Variants in FLNA observed in about 807,000 individuals in gnomAD.
The protein encoded by FLNA is filamin-A.
A neutral mutation model predicts 157.6 loss-of-function variants in FLNA; 7 were observed. The observed-to-expected ratio is 0.04, with a 90% CI of 0.03 to 0.08. FLNA has a LOEUF of 0.08. Ranked by LOEUF, FLNA falls within the 10% of genes least tolerant of loss-of-function variation. The pLI is 1.00. For missense variants in FLNA, 1,750 were observed against 2,398.4 expected (o/e 0.73, Z 5.65); for synonymous variants, 1,103 against 1,060.8 (o/e 1.04, Z -0.77).
At position 154,360,159 on chromosome X, in the gene FLNA, G is replaced by A. The variant is rs1557177707; in HGVS notation, c.3636C>T (p.His1212=). 3.3e-6 allele frequency: 4 copies of A among 1,208,759 alleles called. No homozygotes were observed. Among genetic ancestry groups the A allele is most frequent in the South Asian group, 1.8e-5 (1 of 56,913 alleles). The change falls in exon 22 of 48, where the codon CAC becomes CAT. Residue 1212 remains histidine (H), a synonymous_variant. Transcript: ENST00000369850. The stretch of plus-strand genomic sequence containing the variant: ...AGGTAATGGTGTGCGTGCCATCACC[G>A]TGGTCCTGGATGTACACCTCGGCCG... The part of the protein sequence containing the change: ...GLPAEVYIQD[H]GDGTHTITYI...
At position 154,357,467 on chromosome X, in the gene FLNA, G is replaced by A; in HGVS notation, c.4912C>T (p.Pro1638Ser). ...PFSPYRVRAV[P>S]TGDASKCTVT... ...GTGCACTTGCTGGCGTCCCCGGTGG[G>A]CACGGCACGCACGCGGTACGGGGAG... Residue 1638 changes from proline to serine, a missense_variant, in exon 29 of 48, where the codon CCC (proline) becomes TCC (serine). This residue lies in a region of FLNA where 970 missense variants were observed against 1,302.6 expected (regional missense o/e 0.74). Transcript: ENST00000369850. 1 of 1,210,004 alleles carries A rather than the reference G, an allele frequency of 8.3e-7. No homozygotes were observed. Among genetic ancestry groups the A allele is most frequent in the Non-Finnish European group, 1.1e-6 (1 of 893,922 alleles).
rs377579695 is a variant in FLNA, at chrX:154,360,117, G to C, written c.3678C>G (p.Pro1226=). 1 of 1,209,521 alleles carries C rather than the reference G, an allele frequency of 8.3e-7. No individual in the cohort carries two copies. Among genetic ancestry groups the C allele is most frequent in the African/African-American group, 1.7e-5 (1 of 57,656 alleles). The change falls in exon 22 of 48, where the codon CCC becomes CCG. Residue 1226 remains proline, a synonymous_variant. Coordinates refer to ENST00000369850, the MANE Select transcript of FLNA (RefSeq NM_001110556.2). ...ACTTGATGGTGACGGTGTAGGCCCC[G>C]GGGCAGAGGGGAATGTAGGTAATGG... ...THTITYIPLC[P]GAYTVTIKYG... is the part of the protein sequence containing the mutation.
At position 154,362,707 on chromosome X, in the gene FLNA, G is replaced by A. The variant is rs781789768; in HGVS notation, c.2358C>T (p.Ala786=). The A allele has an allele frequency of 7.4e-6, 9 of 1,210,649 alleles. No homozygotes were observed. Among genetic ancestry groups the A allele is most frequent in the South Asian group, 7.0e-5 (4 of 56,908 alleles). The change falls in exon 16 of 48, where the codon GCC becomes GCT. Residue 786 remains alanine, a synonymous_variant. Transcript: ENST00000369850. The part of the protein sequence containing the change: ...GPGVAKTGLK[A]HEPTYFTVDC... Reference sequence around the variant, plus strand: ...CCACAGTGAAGTAGGTGGGCTCGTGGGCCTTGAGCCCTGTCTTGGCTACTC... The same window carrying A: ...CCACAGTGAAGTAGGTGGGCTCGTGAGCCTTGAGCCCTGTCTTGGCTACTC...
chrX:154,361,501 G>A lies in FLNA; in HGVS notation c.3014C>T (p.Ala1005Val). The A allele has an allele frequency of 8.3e-7, 1 of 1,211,634 alleles. No homozygotes were observed. The highest frequency in any genetic ancestry group is 3.0e-5 in the East Asian group (1 of 33,872). Residue 1005 changes from alanine (A) to valine (V), a missense_variant, in exon 21 of 48, where the codon GCA becomes GTA. This residue lies in a region of FLNA where 648 missense variants were observed against 805.8 expected (regional missense o/e 0.80). Coordinates refer to ENST00000369850, the MANE Select transcript of FLNA (RefSeq NM_001110556.2). ...SKGAGGQGKV[A>V]SKIVGPSGAA... ...ACCCGAGGGGCCCACAATCTTGGAT[G>A]CCACTTTGCCTTGACCACCAGCACC... is the stretch of plus-strand genomic sequence containing the variant.
intron 43 of FLNA, chrX:154,351,310 T>C: frequency 4.5e-6 from 2 of 439,844 alleles, no homozygotes; most frequent in Non-Finnish European, 7.9e-6. Context: ...CTTGGCAGGC[T>C]GTCCCTCTTT....
In FLNA at chrX:154,366,878, G is replaced by C. The variant is rs4898478; in HGVS notation, c.869-28C>G. ...GGCAGGGGAAGGCGAGCCAACCACG[G>C]GCCAGCTGTTAAGGCCACAGCCTCA... On this transcript the variant is annotated intron_variant, in intron 5 of 47. Transcript: ENST00000369850. 0.22 allele frequency: 247,230 copies of C among 1,134,655 alleles called. 18,909 individuals carry two copies. The highest frequency in any genetic ancestry group is 0.53 in the South Asian group (29,621 of 55,413). 93.5% of individuals were successfully genotyped at this position (1,134,655 alleles called of 1,213,427 possible).
At chrX:154,365,850 G>A (rs1307837394) in intron 9 of FLNA, among the ~76,000 whole-genome samples, 174 bp downstream of exon 9, 1 of 112,648 alleles carries the variant, frequency 8.9e-6, no homozygotes, top group South Asian at 3.6e-4. Flanking sequence ...GGCGAGGAGA[G>A]GAGAGGAGGA....
In FLNA at chrX:154,374,036, T is replaced by C. The variant is rs782289040; in HGVS notation, c.-117+470A>G. On this transcript the variant is annotated intron_variant, in intron 1 of 47. Coordinates refer to ENST00000369850, the MANE Select transcript of FLNA (RefSeq NM_001110556.2). ...AGAGCAGCCCCAGAACCAGCTCCCC[T>C]GTGCCCAAAGCAGCTGGTGCCCTGT... is the stretch of plus-strand genomic sequence containing the variant. Among the ~76,000 whole-genome samples the C allele has an allele frequency of 4.0e-3, 450 of 112,534 alleles. 2 individuals are homozygous for C. Among genetic ancestry groups the C allele is most frequent in the African/African-American group, 0.014 (437 of 31,012 alleles).
In FLNA at chrX:154,364,480, C is replaced by T. The variant is rs782431997; in HGVS notation, c.2022+46G>A. The T allele has an allele frequency of 4.2e-6, 5 of 1,193,119 alleles. No individual in the cohort carries two copies. In the South Asian group the frequency reaches 7.1e-5, roughly 17 times the overall value. ...AGTGCCATCCCCACCAGACCCCAAG[C>T]AGGAGCAGCAGGGCGAGACTTAGGC... is the stretch of plus-strand genomic sequence containing the variant. On this transcript the variant is annotated intron_variant, in intron 13 of 47. Coordinates refer to ENST00000369850, the MANE Select transcript of FLNA (RefSeq NM_001110556.2).
chrX:154,358,165 C>A, intron 28 of FLNA, 34 bp downstream of exon 28: 1 of 1,204,168 alleles, frequency 8.3e-7, no homozygotes, highest in South Asian at 1.8e-5. Context: ...CCGCCCAGGC[C>A]CCCCTGCCTC....
rs782764103 is a variant in FLNA, at chrX:154,366,421, A to C, written c.1115T>G (p.Val372Gly). ...GTCACCCTGTGACTTATCCACGTACACCTCGAAGGGGCTCTTGGCGATGTG... is the reference window on the plus strand; with the variant it reads ...GTCACCCTGTGACTTATCCACGTACCCCTCGAAGGGGCTCTTGGCGATGTG... Reference protein sequence around the residue: ...GQHIAKSPFEVYVDKSQGDAS... With the variant: ...GQHIAKSPFEGYVDKSQGDAS... Residue 372 changes from valine to glycine, a missense_variant, in exon 8 of 48, where the codon GTG (valine) becomes GGG (glycine). Val to Gly is a moderately radical substitution (Grantham distance 109, BLOSUM62 -3). Around this residue, in one of 5 missense-constraint regions of FLNA, gnomAD observed 648 missense variants for 805.8 expected, o/e 0.80. Transcript: ENST00000369850. The C allele has an allele frequency of 8.3e-7, 1 of 1,210,938 alleles. No individual in the cohort carries two copies. The highest frequency in any genetic ancestry group is 1.8e-5 in the South Asian group (1 of 56,992).
Position 154,364,887 on chromosome X carries a change from C to T in FLNA, c.1762G>A (p.Gly588Ser). ...KVRAWGPGLE[G>S]GVVGKSADFV... ...TCTGCTGACTTGCCAACGACGCCGCCCTCCAGCCCAGGGCCCCAGGCCCGT... is the reference window on the plus strand; with the variant it reads ...TCTGCTGACTTGCCAACGACGCCGCTCTCCAGCCCAGGGCCCCAGGCCCGT... Residue 588 changes from glycine (G) to serine (S), a missense_variant, in exon 12 of 48, where the codon GGC (glycine) becomes AGC (serine). Gly to Ser is a moderately conservative substitution (Grantham distance 56). This residue lies in a region of FLNA where 648 missense variants were observed against 805.8 expected (regional missense o/e 0.80). Transcript: ENST00000369850. 2 of 1,211,791 alleles carry T rather than the reference C, an allele frequency of 1.7e-6. No individual in the cohort carries two copies. Among genetic ancestry groups the T allele is most frequent in the Non-Finnish European group, 2.2e-6 (2 of 895,581 alleles).
intron 1 of FLNA, 121 bp from the exon 2 acceptor site, chrX:154,371,482 G>A (rs1003442569): frequency 7.4e-6 from 3 of 403,578 alleles, no homozygotes; most frequent in East Asian, 4.4e-5. Context: ...CGCCCCGCCC[G>A]TTGGAATGCC....
intron 9 of FLNA, among the ~76,000 whole-genome samples, 182 bp downstream of exon 9, chrX:154,365,842 C>CGAGGA (rs2067754479): frequency 8.9e-6 from 1 of 111,994 alleles, no homozygotes; most frequent in Non-Finnish European, 1.9e-5. Context: ...TGGAGAGGGG[C>CGAGGA]GAGGAGAGGA....
At chrX:154,351,836 C>A (rs782385374) in intron 42 of FLNA, 48 bp downstream of exon 42, 4 of 1,200,829 alleles carry the variant, frequency 3.3e-6, no homozygotes, top group South Asian at 1.8e-5. Context: ...GGGTCCAATA[C>A]CCACACTCAG....
At position 154,364,681 on chromosome X, in the gene FLNA, A is replaced by G; in HGVS notation, c.1867T>C (p.Cys623Arg). 1 of 1,209,492 alleles carries G rather than the reference A, an allele frequency of 8.3e-7. No individual in the cohort carries two copies. The highest frequency in any genetic ancestry group is 1.1e-6 in the Non-Finnish European group (1 of 894,920). ...CAGGAGCCGTCGCCCTTGTCGTCACATTCGATCTTAGCCTGCGATGGCCCT... is the reference window on the plus strand; with the variant it reads ...CAGGAGCCGTCGCCCTTGTCGTCACGTTCGATCTTAGCCTGCGATGGCCCT... ...VEGPSQAKIE[C>R]DDKGDGSCDV... Residue 623 changes from cysteine (C) to arginine (R), a missense_variant, in exon 13 of 48, where the codon TGT becomes CGT. Cys to Arg is a radical substitution (Grantham distance 180, BLOSUM62 -3). Transcript: ENST00000369850.
intron 5 of FLNA, 152 bp from the exon 6 acceptor site, chrX:154,367,002 C>T (rs978429343): frequency 2.2e-5 from 11 of 510,994 alleles, no homozygotes; most frequent in Admixed American, 8.1e-5. Flanking sequence ...AGCCTGGCCT[C>T]GGGACCCAGC....
rs200363918 is a variant in FLNA at position 154,360,087 on chromosome X, G to A, written c.3708C>T (p.Gly1236=). The A allele has an allele frequency of 1.8e-4, 220 of 1,210,098 alleles. No individual in the cohort carries two copies. Among genetic ancestry groups the A allele is most frequent in the Non-Finnish European group, 2.3e-4 (208 of 895,045 alleles). ...PGAYTVTIKY[G]GQPVPNFPSK... ...TGGGGAAGTTGGGCACGGGCTGGCC[G>A]CCGTACTTGATGGTGACGGTGTAGG... Residue 1236 remains glycine (G), a synonymous_variant, in exon 22 of 48, where the codon GGC becomes GGT. Coordinates refer to ENST00000369850, the MANE Select transcript of FLNA (RefSeq NM_001110556.2).
chrX:154,362,654 G>T lies in FLNA; in HGVS notation c.2404+7C>A. 7 of 1,211,070 alleles carry T rather than the reference G, an allele frequency of 5.8e-6. No individual in the cohort carries two copies. The highest frequency in any genetic ancestry group is 7.8e-6 in the Non-Finnish European group (7 of 895,473). On this transcript the variant is annotated splice_region_variant and intron_variant, in intron 16 of 47. Transcript: ENST00000369850. ...CACCTGCCCTCCCACCCACAGCCAG[G>T]CCTTACCCTGGCCAGCCTCGGCGCA... is the stretch of plus-strand genomic sequence containing the variant.
Sources: gnomAD v4.1 joint callset for allele counts (sites outside exome capture counted in the v4.1 genomes callset) on GRCh38, gnomAD v4.1.1 for gene constraint, gnomAD v4.1.1 regional missense constraint, MANE v1.5 for transcripts, NCBI Gene and HGNC (gene_info 2026-07-23, HGNC 2026-07-21) for gene names.